The following OLFM2 variants were observed in gnomAD, a reference collection of about 807,000 sequenced individuals.
OLFM2 encodes olfactomedin 2.
OLFM2 carries 20 observed loss-of-function variants against 43.9 expected under a neutral mutation model. The observed-to-expected ratio is 0.46, with a 90% CI of 0.32 to 0.66. OLFM2 has a LOEUF of 0.66. Among genes scored for constraint, OLFM2 ranks in the 30% least tolerant of loss-of-function variants. The pLI, the probability that OLFM2 is intolerant of heterozygous loss-of-function variation, is 0.04. For synonymous variants in OLFM2, 268 were observed against 278.6 expected (o/e 0.96, Z 0.38); for missense variants, 416 against 643.6 (o/e 0.65, Z 3.83).
In OLFM2 at chr19:9,934,358, C is replaced by T. The variant is rs2086503254; in HGVS notation, c.63+1946G>A. ...GGCCACGCCCCCGTTGTCCTTTAGC[C>T]CCGCCTCCACTGACCTCGTTAGTCC... On this transcript the variant is annotated intron_variant, in intron 1 of 5. Transcript: ENST00000264833. Among the ~76,000 whole-genome samples the T allele has an allele frequency of 2.0e-5, 3 of 152,298 alleles. No individual in the cohort carries two copies. In the South Asian group the frequency reaches 6.2e-4, roughly 32 times the overall value.
intron 1 of OLFM2, among the ~76,000 whole-genome samples, chr19:9,920,102 C>T (rs538537997): frequency 4.6e-5 from 7 of 152,088 alleles, no homozygotes; most frequent in African/African-American, 1.4e-4. Context: ...CCACACCTGG[C>T]CCCTCCCCAC....
At chr19:9,935,037 C>T (rs766435019) in intron 1 of OLFM2, among the ~76,000 whole-genome samples, 6 of 152,134 alleles carry the variant, frequency 3.9e-5, no homozygotes, top group Non-Finnish European at 8.8e-5. Context: ...GCTCAGGAGC[C>T]GGACTGCCTC....
intron 1 of OLFM2, among the ~76,000 whole-genome samples, chr19:9,902,097 C>T (rs1486936442): frequency 3.3e-5 from 5 of 151,948 alleles, no homozygotes; most frequent in Admixed American, 1.3e-4. Context: ...GGCGTGATCT[C>T]GGCTCACTGC....
At chr19:9,888,990 C>T (rs543015971) in intron 1 of OLFM2, among the ~76,000 whole-genome samples, 2 of 150,966 alleles carry the variant, frequency 1.3e-5, no homozygotes, top group East Asian at 2.0e-4. Flanking sequence ...GGCTTGAAGC[C>T]GGGAGGCAGA....
chr19:9,934,042 A>T (rs371948587), intron 1 of OLFM2, among the ~76,000 whole-genome samples: 2 of 152,096 alleles, frequency 1.3e-5, no homozygotes, highest in East Asian at 1.9e-4. Context: ...GTGCATAATC[A>T]TATCTGTTCA....
chr19:9,928,724 G>T (rs1364396013), intron 1 of OLFM2, among the ~76,000 whole-genome samples: 1 of 151,640 alleles, frequency 6.6e-6, no homozygotes, highest in African/African-American at 2.4e-5. Context: ...AGAATTGCTT[G>T]AACCCAGGAG....
At chr19:9,916,167 G>A (rs1248723831) in intron 1 of OLFM2, among the ~76,000 whole-genome samples, 4 of 152,062 alleles carry the variant, frequency 2.6e-5, no homozygotes. Flanking sequence ...GACCAGCCTG[G>A]CCAACATGGT....
intron 1 of OLFM2, among the ~76,000 whole-genome samples, chr19:9,923,805 A>AT (rs139090021): frequency 0.024 from 3,634 of 151,772 alleles, 108 homozygotes; most frequent in Middle Eastern, 0.082. Flanking sequence ...AATTAAACAA[A>AT]TTTTTTTTGT....
chr19:9,932,420 A>T (rs1410764223), intron 1 of OLFM2, among the ~76,000 whole-genome samples: 3 of 149,802 alleles, frequency 2.0e-5, no homozygotes, highest in African/African-American at 7.4e-5. Context: ...GCGCCACTGC[A>T]CTCCAGCCCA....
intron 1 of OLFM2, among the ~76,000 whole-genome samples, chr19:9,886,615 G>A (rs1019505942): frequency 6.6e-6 from 1 of 152,056 alleles, no homozygotes; most frequent in East Asian, 1.9e-4. Context: ...CCCTCACTTC[G>A]AAATGCATCC....
intron 1 of OLFM2, among the ~76,000 whole-genome samples, chr19:9,916,435 A>G (rs1011724437): frequency 4.6e-5 from 7 of 152,202 alleles, no homozygotes; most frequent in African/African-American, 1.4e-4. Context: ...TTGCAGATGC[A>G]ATGTTAACAA....
chr19:9,888,348 C>A (rs892551203), intron 1 of OLFM2, among the ~76,000 whole-genome samples: 3 of 151,382 alleles, frequency 2.0e-5, no homozygotes, highest in African/African-American at 4.9e-5. Flanking sequence ...CATGGTGAAA[C>A]CCCCGTCTCT....
At chr19:9,923,917 T>C (rs1422325966) in intron 1 of OLFM2, among the ~76,000 whole-genome samples, 1 of 149,098 alleles carries the variant, frequency 6.7e-6, no homozygotes, top group African/African-American at 2.5e-5. Flanking sequence ...CTGGCCAACA[T>C]GTCGAAACCC....
At chr19:9,862,516 T>G (rs1319342756) in intron 1 of OLFM2, among the ~76,000 whole-genome samples, 1 of 137,450 alleles carries the variant, frequency 7.3e-6, no homozygotes, top group East Asian at 2.1e-4. Flanking sequence ...TACTAAAAAT[T>G]AAAAAAAAAA....
chr19:9,858,420 C>T (rs1342016300), intron 2 of OLFM2, among the ~76,000 whole-genome samples: 1 of 152,138 alleles, frequency 6.6e-6, no homozygotes, highest in African/African-American at 2.4e-5. Context: ...TCCCTGACCA[C>T]CCTGTCCGGT....
intron 1 of OLFM2, among the ~76,000 whole-genome samples, chr19:9,862,036 AAAAAAAAAG>A (rs975847984): frequency 6.6e-5 from 10 of 150,634 alleles, no homozygotes; most frequent in African/African-American, 1.2e-4. Flanking sequence ...AAAAAAAAAA[AAAAAAAAAG>A]AAGATATCCA....
At position 9,928,815 on chromosome 19, in the gene OLFM2, AAAG is replaced by A. The variant is rs565805095; in HGVS notation, c.63+7486_63+7488del. On this transcript the variant is annotated intron_variant, in intron 1 of 5. Transcript: ENST00000264833. ...GTGAGACTCTGTCTAAAAAAAAAAA[AAAG>A]AGAGAAAGAGAATAAGCTTTTGTAT... Among the ~76,000 whole-genome samples, 683 of 152,036 alleles carry A rather than the reference AAAG, an allele frequency of 4.5e-3. 3 individuals are homozygous for A. Among genetic ancestry groups the A allele is most frequent in the Middle Eastern group, 0.024 (7 of 294 alleles).
At chr19:9,914,726 G>C (rs1442350654) in intron 1 of OLFM2, among the ~76,000 whole-genome samples, 1 of 151,712 alleles carries the variant, frequency 6.6e-6, no homozygotes, top group South Asian at 2.1e-4. Context: ...CCGCCCACCC[G>C]TCCGCCCACG....
At chr19:9,880,509 A>C (rs368950315) in intron 1 of OLFM2, among the ~76,000 whole-genome samples, 77 of 152,236 alleles carry the variant, frequency 5.1e-4, no homozygotes, top group Non-Finnish European at 8.7e-4. Context: ...AGGTGGGAGG[A>C]TCACTTGTGA....
Sources: allele counts gnomAD v4.1 joint callset (sites outside exome capture counted in the v4.1 genomes callset), GRCh38; gene constraint gnomAD v4.1.1; transcripts MANE v1.5; gene names NCBI Gene and HGNC (gene_info 2026-07-23, HGNC 2026-07-21).